SYT1: variants seen among roughly 807,000 people sequenced by gnomAD.
The protein encoded by SYT1 is synaptotagmin-1.
In SYT1, 8 loss-of-function variants were observed where a neutral mutation model predicts 44.8. The observed-to-expected ratio is 0.18, with a 90% CI of 0.10 to 0.32. SYT1 has a LOEUF of 0.32. Among genes scored for constraint, SYT1 ranks in the 10% least tolerant of loss-of-function variants. The probability of loss-of-function intolerance (pLI) is 1.00; values close to 1 mark genes in which losing one functional copy is unlikely to be tolerated. For missense variants in SYT1, 286 were observed against 509.3 expected, an observed-to-expected ratio of 0.56 and a Z score of 4.22; for synonymous variants, 154 against 188.8, an observed-to-expected ratio of 0.82 and a Z score of 1.51.
intron 6 of SYT1, 48 bp from the exon 7 acceptor site, chr12:79,296,021 A>G (rs1370795662): frequency 1.3e-6 from 2 of 1,551,312 alleles, no homozygotes; most frequent in Non-Finnish European, 1.7e-6. Flanking sequence ...ATCTTTTCCA[A>G]AATGTCCACT....
chr12:79,254,870 T>C (rs1877429864), intron 4 of SYT1, among the ~76,000 whole-genome samples: 1 of 152,210 alleles, frequency 6.6e-6, no homozygotes. Context: ...TGTAACTGAA[T>C]TGCTGCAATC....
intron 8 of SYT1, among the ~76,000 whole-genome samples, chr12:79,319,125 A>G (rs1360717685): frequency 6.6e-6 from 1 of 152,226 alleles, no homozygotes; most frequent in Non-Finnish European, 1.5e-5. Flanking sequence ...CATAAAGGCA[A>G]TGGAACCTAT....
At chr12:78,892,635 G>A (rs976315643) in intron 1 of SYT1, among the ~76,000 whole-genome samples, 12 of 151,540 alleles carry the variant, frequency 7.9e-5, no homozygotes, top group African/African-American at 2.9e-4. Context: ...TATTTTACTG[G>A]AGGTCTGATT....
At chr12:78,965,226 C>A (rs560015954) in intron 1 of SYT1, among the ~76,000 whole-genome samples, 1 of 151,940 alleles carries the variant, frequency 6.6e-6, no homozygotes. Context: ...TTAAATAATA[C>A]GAATTAAATA....
At chr12:78,998,099 A>G (rs1341351980) in intron 2 of SYT1, among the ~76,000 whole-genome samples, 1 of 152,228 alleles carries the variant, frequency 6.6e-6, no homozygotes, top group Non-Finnish European at 1.5e-5. Context: ...AAAAGGAAAG[A>G]AAGAAAGAGC....
At chr12:79,291,893 T>G (rs1222683866) in intron 5 of SYT1, 115 bp from the exon 6 acceptor site, 1 of 1,249,574 alleles carries the variant, frequency 8.0e-7, no homozygotes, top group South Asian at 1.2e-5. Flanking sequence ...ACAAACAGAT[T>G]TCCAGCATCT....
At chr12:79,121,352 A>G (rs1277242781) in intron 3 of SYT1, among the ~76,000 whole-genome samples, 1 of 152,164 alleles carries the variant, frequency 6.6e-6, no homozygotes, top group Non-Finnish European at 1.5e-5. Flanking sequence ...AGCCTCATAT[A>G]CTAATCAAGG....
chr12:78,936,711 A>G (rs1384686086), intron 1 of SYT1, among the ~76,000 whole-genome samples: 1 of 152,170 alleles, frequency 6.6e-6, no homozygotes, highest in Non-Finnish European at 1.5e-5. Context: ...TTTATTCAAG[A>G]CTATTGCAGT....
intron 8 of SYT1, among the ~76,000 whole-genome samples, chr12:79,314,991 G>A (rs1881012618): frequency 6.6e-6 from 1 of 152,164 alleles, no homozygotes; most frequent in African/African-American, 2.4e-5. Flanking sequence ...GTTAGGGTAG[G>A]AAATGGGGAA....
At chr12:79,416,291 T>C (rs1221672010) in intron 9 of SYT1, among the ~76,000 whole-genome samples, 3 of 152,122 alleles carry the variant, frequency 2.0e-5, no homozygotes, top group Admixed American at 6.6e-5. Context: ...ACAAAAGGTA[T>C]GGTAGATATT....
chr12:79,230,628 C>T (rs766541728), intron 4 of SYT1, among the ~76,000 whole-genome samples: 1 of 152,136 alleles, frequency 6.6e-6, no homozygotes, highest in Non-Finnish European at 1.5e-5. Context: ...AACAAAAGTA[C>T]ATTCTACTGA....
intron 3 of SYT1, among the ~76,000 whole-genome samples, chr12:79,110,325 A>G (rs1021131910): frequency 2.6e-5 from 4 of 152,186 alleles, no homozygotes; most frequent in African/African-American, 9.6e-5. Context: ...AGGAAAAAAT[A>G]AATAATAATT....
At chr12:79,348,202 G>C (rs1882690700) in intron 8 of SYT1, among the ~76,000 whole-genome samples, 2 of 152,184 alleles carry the variant, frequency 1.3e-5, no homozygotes, top group African/African-American at 4.8e-5. Context: ...ATTTTAAAAG[G>C]ATCATGCTGC....
chr12:79,048,559 C>T lies in SYT1; in HGVS notation c.-18+1197C>T, dbSNP rs560265637. On this transcript the variant is annotated intron_variant, in intron 3 of 10. Coordinates refer to ENST00000261205, the MANE Select transcript of SYT1 (RefSeq NM_005639.3). ...TTCACACAAAGCACTCTGCCACTTA[C>T]TTTTTGTTGTAGTTATGAACGGCCA... Among the ~76,000 whole-genome samples the T allele has an allele frequency of 2.0e-5, 3 of 151,958 alleles. No individual in the cohort carries two copies. In the South Asian group the frequency reaches 6.2e-4, roughly 32 times the overall value.
At chr12:79,234,891 A>C (rs2138630490) in intron 4 of SYT1, among the ~76,000 whole-genome samples, 1 of 151,792 alleles carries the variant, frequency 6.6e-6, no homozygotes, top group African/African-American at 2.4e-5. Context: ...TTGTATTTTT[A>C]GTAGAGATGG....
At chr12:79,228,283 G>A (rs1156955619) in intron 4 of SYT1, among the ~76,000 whole-genome samples, 1 of 151,768 alleles carries the variant, frequency 6.6e-6, no homozygotes, top group African/African-American at 2.4e-5. Context: ...ACGTAATCTG[G>A]ACCCTGACAT....
intron 1 of SYT1, among the ~76,000 whole-genome samples, chr12:78,881,710 CT>C (rs1874464519): frequency 6.6e-6 from 1 of 151,058 alleles, no homozygotes; most frequent in African/African-American, 2.4e-5. Flanking sequence ...GGTAATTTTC[CT>C]TTCAAAAGAA....
At chr12:79,081,029 T>C (rs1876998890) in intron 3 of SYT1, among the ~76,000 whole-genome samples, 1 of 152,142 alleles carries the variant, frequency 6.6e-6, no homozygotes, top group African/African-American at 2.4e-5. Flanking sequence ...TATAGAGCTA[T>C]ATGTTAGGTC....
intron 3 of SYT1, among the ~76,000 whole-genome samples, chr12:79,214,290 A>T (rs1175439052): frequency 6.6e-6 from 1 of 152,132 alleles, no homozygotes; most frequent in Non-Finnish European, 1.5e-5. Context: ...ATTAACAGGG[A>T]TGATATCATT....
Sources: allele counts gnomAD v4.1 joint callset (sites outside exome capture counted in the v4.1 genomes callset), GRCh38; gene constraint gnomAD v4.1.1; transcripts MANE v1.5; gene names NCBI Gene and HGNC (gene_info 2026-07-23, HGNC 2026-07-21).